The following MINPP1 variants were observed in gnomAD, a reference collection of about 807,000 sequenced individuals.
MINPP1 encodes the protein multiple inositol-polyphosphate phosphatase 1.
A neutral mutation model predicts 46.1 loss-of-function variants in MINPP1; 28 were observed. The ratio of observed to expected loss-of-function variants is 0.61; its 90% confidence interval spans 0.45 to 0.83. MINPP1 has a LOEUF of 0.83. Among genes scored for constraint, MINPP1 ranks in the 40% least tolerant of loss-of-function variants. MINPP1 has a pLI of 0.00. For synonymous variants in MINPP1, 268 were observed against 249.1 expected, an observed-to-expected ratio of 1.08 and a Z score of -0.72; for missense variants, 603 against 610.0, an observed-to-expected ratio of 0.99 and a Z score of 0.12.
Position 87,505,513 on chromosome 10 carries a change from C to G in MINPP1, c.598C>G (p.Gln200Glu). 1.2e-6 allele frequency: 2 copies of G among 1,611,664 alleles called. No individual in the cohort carries two copies. The highest frequency in any genetic ancestry group is 1.7e-6 in the Non-Finnish European group (2 of 1,179,600). Reference protein sequence around the residue: ...SSAAFLQGLWQHYHPGLPPPD... With the variant: ...SSAAFLQGLWEHYHPGLPPPD... Reference sequence around the variant, plus strand: ...CGCCGCCTTCCTGCAGGGGCTGTGGCAGCACTACCACCCTGGCTTGCCGCC... The same window carrying G: ...CGCCGCCTTCCTGCAGGGGCTGTGGGAGCACTACCACCCTGGCTTGCCGCC... Residue 200 changes from glutamine to glutamate, a missense_variant, in exon 1 of 5, where the codon CAG (glutamine) becomes GAG (glutamate). Transcript: ENST00000371996. The surrounding 1 kb of genome is among the most constrained non-coding windows in gnomAD (Gnocchi z 4.4).
chr10:87,516,832 AT>A (rs964999151), intron 3 of MINPP1, among the ~76,000 whole-genome samples: 3 of 151,056 alleles, frequency 2.0e-5, no homozygotes, highest in African/African-American at 7.3e-5. Flanking sequence ...TTTGCTTTCA[AT>A]TTTTTCTTTA....
chr10:87,511,529 C>T lies in MINPP1; in HGVS notation c.836-1595C>T, dbSNP rs529442342. Among the ~76,000 whole-genome samples, 3 of 152,202 alleles carry T rather than the reference C, an allele frequency of 2.0e-5. No homozygotes were observed. In the South Asian group the frequency reaches 6.2e-4, roughly 32 times the overall value. On this transcript the variant is annotated intron_variant, in intron 2 of 4. Coordinates refer to ENST00000371996, the MANE Select transcript of MINPP1 (RefSeq NM_004897.5). ...GGTTCTGAAAGATTGACCACGAAAT[C>T]AGAAGGGTCATAACAGATAAGTCAG...
chr10:87,508,830 A>G (rs2131799857), intron 2 of MINPP1, among the ~76,000 whole-genome samples: 1 of 152,324 alleles, frequency 6.6e-6, no homozygotes. Flanking sequence ...TTTAAAACAA[A>G]TTATCTTTTC....
At chr10:87,528,532 T>G (rs1220577741) in intron 4 of MINPP1, among the ~76,000 whole-genome samples, 1 of 152,268 alleles carries the variant, frequency 6.6e-6, no homozygotes, top group African/African-American at 2.4e-5. Flanking sequence ...AGTGAGTTTC[T>G]TAATCCTGAG....
intron 4 of MINPP1, among the ~76,000 whole-genome samples, chr10:87,546,192 T>G (rs1385033551): frequency 6.6e-6 from 1 of 152,224 alleles, no homozygotes; most frequent in Non-Finnish European, 1.5e-5. Context: ...AGTGGATTAT[T>G]CATGAGTTTT....
chr10:87,528,829 A>G (rs1157124683), intron 4 of MINPP1, among the ~76,000 whole-genome samples: 1 of 152,072 alleles, frequency 6.6e-6, no homozygotes, highest in East Asian at 1.9e-4. Context: ...TCCCGTTATT[A>G]TTGTGTGGGA....
At chr10:87,525,061 G>A (rs1851556437) in intron 4 of MINPP1, among the ~76,000 whole-genome samples, 1 of 152,158 alleles carries the variant, frequency 6.6e-6, no homozygotes, top group Non-Finnish European at 1.5e-5. Context: ...ACTCAGGATT[G>A]CCACAAACCT....
chr10:87,513,000 C>G (rs1371337145), intron 2 of MINPP1, 124 bp from the exon 3 acceptor site: 1 of 728,868 alleles, frequency 1.4e-6, no homozygotes, highest in Non-Finnish European at 2.5e-6. Flanking sequence ...TAAATTATTT[C>G]TTCCCCAAAC....
chr10:87,542,502 G>A (rs1301875170), intron 4 of MINPP1, among the ~76,000 whole-genome samples: 6 of 152,116 alleles, frequency 3.9e-5, no homozygotes, highest in African/African-American at 1.4e-4. Flanking sequence ...ATTCCGCCAT[G>A]TTGGCCAGGT....
At chr10:87,523,533 G>A (rs1226053839) in intron 4 of MINPP1, among the ~76,000 whole-genome samples, 3 of 121,142 alleles carry the variant, frequency 2.5e-5, no homozygotes, top group Admixed American at 1.7e-4. Context: ...TTTTTTTTTT[G>A]TATTTTTAGT....
At chr10:87,538,588 C>T (rs2131834359) in intron 4 of MINPP1, among the ~76,000 whole-genome samples, 1 of 152,268 alleles carries the variant, frequency 6.6e-6, no homozygotes, top group Non-Finnish European at 1.5e-5. Context: ...CATTTTAGTT[C>T]TTGATTTATG....
intron 4 of MINPP1, among the ~76,000 whole-genome samples, chr10:87,522,775 A>G (rs1186487380): frequency 2.6e-5 from 4 of 152,134 alleles, no homozygotes; most frequent in Non-Finnish European, 5.9e-5. Context: ...AATATCAATG[A>G]GGTTTGCTGC....
intron 1 of MINPP1, chr10:87,507,843 C>T: frequency 9.5e-7 from 1 of 1,049,246 alleles, no homozygotes; most frequent in Non-Finnish European, 1.1e-6. Flanking sequence ...GCGTTTTGTG[C>T]TGCTGTCAGT....
intron 4 of MINPP1, among the ~76,000 whole-genome samples, chr10:87,532,063 C>G (rs2131827305): frequency 6.6e-6 from 1 of 152,274 alleles, no homozygotes; most frequent in African/African-American, 2.4e-5. Flanking sequence ...CAAACATGTC[C>G]TTAATGTCTT....
rs942419363 is a variant in MINPP1, at chr10:87,553,286, C to G, written c.*808C>G. 2.1e-4 allele frequency: 32 copies of G among 152,090 alleles called. No individual in the cohort carries two copies. Among genetic ancestry groups the G allele is most frequent in the Middle Eastern group, 3.4e-3 (1 of 294 alleles). 9.4% of individuals were successfully genotyped at this position (152,090 alleles called of 1,614,324 possible). On this transcript the variant is annotated 3_prime_UTR_variant, in exon 5 of 5. Coordinates refer to ENST00000371996, the MANE Select transcript of MINPP1 (RefSeq NM_004897.5). ...TATTTTCCTATTATATGAAATGTATCTTTTGGTTGTTTGATTTTTCTTTCT... is the reference window on the plus strand; with the variant it reads ...TATTTTCCTATTATATGAAATGTATGTTTTGGTTGTTTGATTTTTCTTTCT...
chr10:87,552,135 T>C lies in MINPP1; in HGVS notation c.1121T>C (p.Leu374Pro), dbSNP rs767125263. Residue 374 changes from leucine to proline, a missense_variant, in exon 5 of 5, where the codon CTT becomes CCT. By Grantham distance (98) the Leu-to-Pro change is moderately conservative. Around this residue, in one of 3 missense-constraint regions of MINPP1, gnomAD observed 344 missense variants for 381.1 expected, o/e 0.90. Transcript: ENST00000371996. ...CTCCAGTTTGGTCATGCAGAGACTC[T>C]TCTTCCACTGCTTTCTCTCATGGGC... ...VILQFGHAET[L>P]LPLLSLMGYF... The C allele has an allele frequency of 3.1e-6, 5 of 1,613,634 alleles. No homozygotes were observed. The highest frequency in any genetic ancestry group is 3.4e-6 in the Non-Finnish European group (4 of 1,179,676).
At chr10:87,506,122 C>A (rs999487320) in intron 1 of MINPP1, among the ~76,000 whole-genome samples, 14 of 148,484 alleles carry the variant, frequency 9.4e-5, no homozygotes, top group African/African-American at 3.0e-4. Flanking sequence ...CTCCTTTTTT[C>A]TTCTGTTTTG....
At position 87,552,440 on chromosome 10, in the gene MINPP1, G is replaced by C; in HGVS notation, c.1426G>C (p.Glu476Gln). 4 of 1,613,104 alleles carry C rather than the reference G, an allele frequency of 2.5e-6. No individual in the cohort carries two copies. The highest frequency in any genetic ancestry group is 3.4e-6 in the Non-Finnish European group (4 of 1,179,672). The change falls in exon 5 of 5, where the codon GAA (glutamate) becomes CAA (glutamine). Residue 476 changes from glutamate (E) to glutamine (Q), a missense_variant. Around this residue, in one of 3 missense-constraint regions of MINPP1, gnomAD observed 344 missense variants for 381.1 expected, o/e 0.90. Coordinates refer to ENST00000371996, the MANE Select transcript of MINPP1 (RefSeq NM_004897.5). ...LQSCQTSEEC[E>Q]LARANSTSDE... ...GAGTTGTCAAACCAGTGAAGAATGT[G>C]AATTAGCAAGGGCTAACAGTACATC...
At chr10:87,519,258 A>G (rs752535145) in intron 3 of MINPP1, among the ~76,000 whole-genome samples, 15 of 152,176 alleles carry the variant, frequency 9.9e-5, no homozygotes, top group South Asian at 2.1e-4. Flanking sequence ...AATATATACA[A>G]TCATTAATAA....
Sources: allele counts gnomAD v4.1 joint callset (sites outside exome capture counted in the v4.1 genomes callset), GRCh38; gene constraint gnomAD v4.1.1; regional missense constraint gnomAD v4.1.1; non-coding constraint Gnocchi (gnomAD v3.1); transcripts MANE v1.5; gene names NCBI Gene and HGNC (gene_info 2026-07-23, HGNC 2026-07-21).